Variants in ELAVL4 observed in about 807,000 individuals in gnomAD.
ELAVL4 encodes ELAV like RNA binding protein 4, also known as ELAV-like protein 4.
In ELAVL4, 1 loss-of-function variant was observed where a neutral mutation model predicts 35.6. The ratio of observed to expected loss-of-function variants is 0.03; its 90% CI spans 0.01 to 0.13. The LOEUF (loss-of-function observed/expected upper bound fraction) is 0.13. Ranked by LOEUF, ELAVL4 falls within the 10% of genes least tolerant of loss-of-function variation. ELAVL4 has a pLI of 1.00. For synonymous variants in ELAVL4, 156 were observed against 171.0 expected (o/e 0.91, Z 0.69); for missense variants, 267 against 464.9 (o/e 0.57, Z 3.91).
chr1:50,099,768 C>A (rs1309602684), upstream of ELAVL4, among the ~76,000 whole-genome samples: 2 of 152,072 alleles, frequency 1.3e-5, no homozygotes, highest in Non-Finnish European at 2.9e-5. Context: ...AGATCAGTCA[C>A]TCTCTACACC....
At chr1:50,048,157 CG>C in exon 1 of ELAVL4, 2 of 1,521,620 alleles carry the variant, frequency 1.3e-6, no homozygotes. Flanking sequence ...GATCGCCCGG[CG>C]GGGAAGATGC....
At position 50,179,762 on chromosome 1, in the gene ELAVL4, ACT is replaced by A. The variant is rs983951545; in HGVS notation, c.354+2573_354+2574del. On this transcript the variant is annotated intron_variant, in intron 3 of 6. Transcript: ENST00000371824. ...TTTTCAAATTTCTGGAGTGCAAAAC[ACT>A]CTACTTTAAATGTTATGCACAAAGT... 3.3e-4 allele frequency: 50 copies of A among 152,290 alleles called. 1 individual carries two copies. Among genetic ancestry groups the A allele is most frequent in the African/African-American group, 1.1e-3 (47 of 41,548 alleles). The allele number at this position is 152,290 out of a possible 1,614,324, so 9.4% of individuals were successfully genotyped here. A position where few individuals can be genotyped will look rare whatever the true frequency, so the allele number is the denominator to read the frequency against.
intron 1 of ELAVL4, among the ~76,000 whole-genome samples, chr1:50,086,567 TG>T (rs927515183): frequency 1.3e-5 from 2 of 151,850 alleles, no homozygotes; most frequent in African/African-American, 2.4e-5. Flanking sequence ...ATAATAAGGA[TG>T]CTTTTTATGG....
At chr1:50,121,535 T>C (rs994738994) in intron 1 of ELAVL4, among the ~76,000 whole-genome samples, 32 of 152,116 alleles carry the variant, frequency 2.1e-4, no homozygotes, top group African/African-American at 7.2e-4. Flanking sequence ...GATATGAAGC[T>C]GTGGTGTTCC....
intron 1 of ELAVL4, among the ~76,000 whole-genome samples, chr1:50,060,312 G>A (rs188407338): frequency 1.2e-4 from 19 of 152,262 alleles, no homozygotes; most frequent in East Asian, 3.9e-4. Flanking sequence ...GGCACCTGCC[G>A]TCTGTTTATC....
At chr1:50,090,644 G>T (rs1281985607) in intron 1 of ELAVL4, among the ~76,000 whole-genome samples, 3 of 152,126 alleles carry the variant, frequency 2.0e-5, no homozygotes, top group Non-Finnish European at 4.4e-5. Flanking sequence ...TCATCTAGTG[G>T]CTCTGTTCTC....
chr1:50,086,475 T>TA, intron 1 of ELAVL4, among the ~76,000 whole-genome samples: 1 of 87,554 alleles, frequency 1.1e-5, no homozygotes. Context: ...CCATTCAGCT[T>TA]TTATATATAT....
At chr1:50,149,902 T>C (rs1674483420) in intron 2 of ELAVL4, among the ~76,000 whole-genome samples, 1 of 152,124 alleles carries the variant, frequency 6.6e-6, no homozygotes, top group African/African-American at 2.4e-5. Context: ...ATAACAAAAC[T>C]GAATCTATTA....
chr1:50,125,693 T>A (rs1174379722), intron 1 of ELAVL4, among the ~76,000 whole-genome samples: 3 of 152,078 alleles, frequency 2.0e-5, no homozygotes, highest in Non-Finnish European at 4.4e-5. Context: ...ATCATTCAAC[T>A]AAGAACAGGG....
At chr1:50,102,018 T>G (rs1334581971), upstream of ELAVL4, among the ~76,000 whole-genome samples, 4 of 152,236 alleles carry the variant, frequency 2.6e-5, no homozygotes, top group African/African-American at 7.2e-5. Flanking sequence ...CCAGGTGCGG[T>G]GGCTCACGCC....
At chr1:50,096,912 C>G (rs1379297763) in intron 1 of ELAVL4, among the ~76,000 whole-genome samples, 1 of 152,172 alleles carries the variant, frequency 6.6e-6, no homozygotes, top group Non-Finnish European at 1.5e-5. Context: ...ATCTCCAGTT[C>G]TGCATTTTAT....
At chr1:50,107,644 T>C (rs1557706854), upstream of ELAVL4, among the ~76,000 whole-genome samples, 1 of 152,240 alleles carries the variant, frequency 6.6e-6, no homozygotes, top group Non-Finnish European at 1.5e-5. Context: ...TCAACTCTAG[T>C]CAAAGATTAA....
intron 1 of ELAVL4, among the ~76,000 whole-genome samples, chr1:50,126,163 T>G (rs935163506): frequency 1.3e-5 from 2 of 152,138 alleles, no homozygotes; most frequent in Non-Finnish European, 2.9e-5. Flanking sequence ...CTTCCCATTC[T>G]ATAACTTTCA....
At chr1:50,102,659 C>T (rs570627985), upstream of ELAVL4, among the ~76,000 whole-genome samples, 1 of 152,176 alleles carries the variant, frequency 6.6e-6, no homozygotes, top group Non-Finnish European at 1.5e-5. Context: ...TTTACCTGCT[C>T]GTGCACTTAG....
chr1:50,109,687 A>G (rs1572202365), intron 1 of ELAVL4: 1 of 512,366 alleles, frequency 2.0e-6, no homozygotes, highest in Admixed American at 3.2e-5. Context: ...GTTTCGGGGG[A>G]CTGCGCAGTC....
intron 1 of ELAVL4, among the ~76,000 whole-genome samples, chr1:50,129,567 A>T (rs538782003): frequency 6.6e-6 from 1 of 152,114 alleles, no homozygotes; most frequent in Non-Finnish European, 1.5e-5. Context: ...AGTGTCAAAC[A>T]TGCTACTTTC....
intron 2 of ELAVL4, among the ~76,000 whole-genome samples, chr1:50,175,266 C>T (rs900180752): frequency 2.0e-5 from 3 of 151,998 alleles, no homozygotes; most frequent in Non-Finnish European, 2.9e-5. Flanking sequence ...CACCAAATTT[C>T]GGATAAATGA....
chr1:50,160,242 A>C (rs897364811), intron 2 of ELAVL4, among the ~76,000 whole-genome samples: 2 of 152,166 alleles, frequency 1.3e-5, no homozygotes, highest in African/African-American at 4.8e-5. Flanking sequence ...TTGTGTAGCC[A>C]TTCCCCAAGA....
In ELAVL4 at chr1:50,154,358, C is replaced by A. The variant is rs145340810; in HGVS notation, c.250+9161C>A. On this transcript the variant is annotated intron_variant, in intron 2 of 6. Coordinates refer to ENST00000371824, the MANE Select transcript of ELAVL4 (RefSeq NM_001144774.3). ...ATTTATCTCTCTAAGGTGATGTACC[C>A]ATTTGCTCAGTGACTTGCTTTCCAC... 5.7e-4 allele frequency among the ~76,000 whole-genome samples: 86 copies of A among 151,080 alleles called. 1 individual carries two copies. In the East Asian group the frequency reaches 0.015, roughly 27 times the overall value.
Sources: gnomAD v4.1 joint callset for allele counts (sites outside exome capture counted in the v4.1 genomes callset) on GRCh38, gnomAD v4.1.1 for gene constraint, MANE v1.5 for transcripts, NCBI Gene and HGNC (gene_info 2026-07-23, HGNC 2026-07-21) for gene names.